Variants in EFNA5 observed in about 807,000 individuals in gnomAD.
EFNA5 encodes the protein ephrin-A5.
Under a neutral mutation model 22.9 loss-of-function variants are expected in EFNA5, and 5 were observed. The ratio of observed to expected loss-of-function variants is 0.22; its 90% CI spans 0.11 to 0.46. The LOEUF (loss-of-function observed/expected upper bound fraction) is 0.46. Ranked by LOEUF, EFNA5 falls within the 20% of genes least tolerant of loss-of-function variation. EFNA5 has a pLI of 0.99. For missense variants in EFNA5, 237 were observed against 293.3 expected (o/e 0.81, Z 1.40); for synonymous variants, 113 against 112.2 (o/e 1.01, Z -0.04).
At chr5:107,665,218 T>A (rs1366810101) in intron 1 of EFNA5, among the ~76,000 whole-genome samples, 1 of 152,202 alleles carries the variant, frequency 6.6e-6, no homozygotes, top group Non-Finnish European at 1.5e-5. Context: ...GTGAAGCTGG[T>A]AGCTTGCTTG....
intron 1 of EFNA5, among the ~76,000 whole-genome samples, chr5:107,482,547 C>T (rs1006186439): frequency 3.3e-5 from 5 of 152,002 alleles, no homozygotes; most frequent in African/African-American, 1.2e-4. Context: ...AAATTAAGGG[C>T]GCATCTGCTG....
intron 1 of EFNA5, among the ~76,000 whole-genome samples, chr5:107,580,740 AGAAAAG>A (rs1561439465): frequency 6.3e-5 from 9 of 142,966 alleles, no homozygotes; most frequent in Non-Finnish European, 1.1e-4. Context: ...AAAAAAAAAA[AGAAAAG>A]AAAAGAAAAG....
rs941152286 is a variant in EFNA5, at chr5:107,573,306, T to C, written c.125+97183A>G. Among the ~76,000 whole-genome samples the C allele has an allele frequency of 8.6e-5, 13 of 152,018 alleles. No homozygotes were observed. In the East Asian group the frequency reaches 2.5e-3, roughly 30 times the overall value. ...GCTTCATCTCCTTTGGGTCAGTGGGTCTGGTTTTCATTTTCTGGTTTACAT... is the reference window on the plus strand; with the variant it reads ...GCTTCATCTCCTTTGGGTCAGTGGGCCTGGTTTTCATTTTCTGGTTTACAT... On this transcript the variant is annotated intron_variant, in intron 1 of 4. Transcript: ENST00000333274.
At chr5:107,628,373 G>T (rs116437513) in intron 1 of EFNA5, among the ~76,000 whole-genome samples, 2,052 of 152,214 alleles carry the variant, frequency 0.013, 51 homozygotes, top group African/African-American at 0.047. Context: ...ACTTTAGACA[G>T]TTCCTGTTAG....
intron 2 of EFNA5, among the ~76,000 whole-genome samples, chr5:107,423,171 A>T (rs1053023416): frequency 2.0e-5 from 3 of 152,182 alleles, no homozygotes; most frequent in Non-Finnish European, 4.4e-5. Context: ...TGATTCTCTC[A>T]AGATCATACA....
intron 1 of EFNA5, among the ~76,000 whole-genome samples, chr5:107,641,274 C>T (rs1750503863): frequency 6.6e-6 from 1 of 151,708 alleles, no homozygotes; most frequent in Admixed American, 6.6e-5. Context: ...GCAGGAATCA[C>T]TTGAACCCAG....
At chr5:107,628,569 A>T (rs1750185041) in intron 1 of EFNA5, among the ~76,000 whole-genome samples, 1 of 152,224 alleles carries the variant, frequency 6.6e-6, no homozygotes, top group African/African-American at 2.4e-5. Context: ...GACATAGTCT[A>T]GAAAAGTAGC....
At chr5:107,603,475 C>T (rs1749647808) in intron 1 of EFNA5, among the ~76,000 whole-genome samples, 2 of 152,162 alleles carry the variant, frequency 1.3e-5, no homozygotes, top group African/African-American at 2.4e-5. Flanking sequence ...AGGAGAACAG[C>T]GTTCTCATTC....
At chr5:107,584,511 A>C (rs954637319) in intron 1 of EFNA5, among the ~76,000 whole-genome samples, 2 of 152,240 alleles carry the variant, frequency 1.3e-5, no homozygotes, top group Admixed American at 6.5e-5. Context: ...CTTTAAATTC[A>C]ATAGTTGGAC....
At chr5:107,476,735 TTCTCTC>T (rs34563371) in intron 1 of EFNA5, among the ~76,000 whole-genome samples, 1,904 of 148,230 alleles carry the variant, frequency 0.013, 42 homozygotes, top group African/African-American at 0.046. Flanking sequence ...TTTTTTCTCT[TTCTCTC>T]TCTCTCTCTC....
At chr5:107,548,039 G>T (rs80231913) in intron 1 of EFNA5, among the ~76,000 whole-genome samples, 3 of 152,070 alleles carry the variant, frequency 2.0e-5, no homozygotes, top group Non-Finnish European at 4.4e-5. Context: ...TAATTGTGAA[G>T]AATAAACTAC....
intron 1 of EFNA5, among the ~76,000 whole-genome samples, chr5:107,451,967 A>G (rs1019502103): frequency 1.3e-5 from 2 of 152,238 alleles, no homozygotes; most frequent in African/African-American, 2.4e-5. Context: ...AAGACATGGA[A>G]CCAACTCAAA....
chr5:107,378,876 A>G lies in EFNA5; in HGVS notation c.*2379T>C, dbSNP rs1209087988. ...ACTGGAATCATGACAGGATCATTTG[A>G]TTTCCTTGTGGTTATAGAACATGCT... On this transcript the variant is annotated 3_prime_UTR_variant, in exon 5 of 5. Transcript: ENST00000333274. 6.6e-6 allele frequency: 1 copy of G among 151,958 alleles called. No individual in the cohort carries two copies. The highest frequency in any genetic ancestry group is 1.5e-5 in the Non-Finnish European group (1 of 67,994). The allele number at this position is 151,958 out of a possible 1,614,324, so 9.4% of individuals were successfully genotyped here.
intron 1 of EFNA5, among the ~76,000 whole-genome samples, chr5:107,634,458 G>C (rs1201315171): frequency 6.8e-6 from 1 of 147,992 alleles, no homozygotes; most frequent in African/African-American, 2.4e-5. Flanking sequence ...TGAGGTTGCA[G>C]TTAGCTATGA....
Position 107,477,866 on chromosome 5 carries a change from A to G in EFNA5, c.126-50357T>C, listed in dbSNP as rs189989031. On this transcript the variant is annotated intron_variant, in intron 1 of 4. Coordinates refer to ENST00000333274, the MANE Select transcript of EFNA5 (RefSeq NM_001962.3). ...AATCAATATACCCTAAATCAAATAC[A>G]TACCTCCTCTAAAGAGAGTTCCCCT... Among the ~76,000 whole-genome samples, 21 of 152,284 alleles carry G rather than the reference A, an allele frequency of 1.4e-4. No homozygotes were observed. In the East Asian group the frequency reaches 3.7e-3, roughly 27 times the overall value.
intron 1 of EFNA5, among the ~76,000 whole-genome samples, chr5:107,491,493 G>A (rs1009869797): frequency 6.6e-6 from 1 of 151,946 alleles, no homozygotes; most frequent in Admixed American, 6.6e-5. Context: ...TGTATTTTTA[G>A]TAGAGACGGG....
chr5:107,394,262 A>C (rs1747861861), intron 2 of EFNA5, among the ~76,000 whole-genome samples: 1 of 152,192 alleles, frequency 6.6e-6, no homozygotes. Context: ...CTTCTCTTGC[A>C]GCCCACTGCG....
chr5:107,629,531 T>C (rs1432905160), intron 1 of EFNA5, among the ~76,000 whole-genome samples: 1 of 152,018 alleles, frequency 6.6e-6, no homozygotes, highest in Non-Finnish European at 1.5e-5. Flanking sequence ...TCAGTGTAGG[T>C]TCATCAATTG....
At chr5:107,549,311 A>C (rs768075154) in intron 1 of EFNA5, among the ~76,000 whole-genome samples, 17 of 152,248 alleles carry the variant, frequency 1.1e-4, no homozygotes, top group Non-Finnish European at 2.1e-4. Flanking sequence ...GTAATTAATC[A>C]GGAAAGAATT....
Sources: gnomAD v4.1 joint callset for allele counts (sites outside exome capture counted in the v4.1 genomes callset) on GRCh38, gnomAD v4.1.1 for gene constraint, MANE v1.5 for transcripts, NCBI Gene and HGNC (gene_info 2026-07-23, HGNC 2026-07-21) for gene names.